ELF2: variants seen among roughly 807,000 people sequenced by gnomAD.
The protein encoded by ELF2 is E74 like ETS transcription factor 2.
A neutral mutation model predicts 54.8 loss-of-function variants in ELF2; 11 were observed. The ratio of observed to expected loss-of-function variants is 0.20; its 90% CI spans 0.13 to 0.33. The LOEUF (loss-of-function observed/expected upper bound fraction) is 0.33. ELF2 is among the 10% of genes least tolerant of loss of function. ELF2 has a pLI of 1.00. For synonymous variants in ELF2, 203 were observed against 245.1 expected (o/e 0.83, Z 1.61); for missense variants, 513 against 703.0 (o/e 0.73, Z 3.06).
chr4:139,120,719 C>A (rs1203587142), intron 4 of ELF2, among the ~76,000 whole-genome samples: 1 of 151,988 alleles, frequency 6.6e-6, no homozygotes, highest in Non-Finnish European at 1.5e-5. Flanking sequence ...AGGTACTGGC[C>A]CCCTAGTATT....
At chr4:139,116,544 G>A (rs1024681131) in intron 4 of ELF2, 21 of 380,562 alleles carry the variant, frequency 5.5e-5, no homozygotes, top group Admixed American at 3.9e-4. Flanking sequence ...TCCTTAAGGA[G>A]GAATCATTGT....
At chr4:139,170,892 T>C (rs1742242387) in intron 1 of ELF2, among the ~76,000 whole-genome samples, 1 of 152,004 alleles carries the variant, frequency 6.6e-6, no homozygotes, top group Non-Finnish European at 1.5e-5. Flanking sequence ...ATTACAGGCA[T>C]GCGCCACCAC....
rs115537243 is a variant in ELF2 at position 139,081,679 on chromosome 4, C to T, written c.239-8112G>A. 8.4e-3 allele frequency among the ~76,000 whole-genome samples: 1,271 copies of T among 152,210 alleles called. 17 individuals carry two copies. Among genetic ancestry groups the T allele is most frequent in the African/African-American group, 0.026 (1,099 of 41,538 alleles). On this transcript the variant is annotated intron_variant, in intron 4 of 9. Transcript: ENST00000686138. ...CAAATACAAACTTTAGAAACATTAT[C>T]CTACCAATGCTATTGAAAATTGGCA...
intron 4 of ELF2, among the ~76,000 whole-genome samples, chr4:139,123,604 A>C (rs1451964025): frequency 6.6e-6 from 1 of 152,256 alleles, no homozygotes; most frequent in Non-Finnish European, 1.5e-5. Context: ...TTAATGTGAT[A>C]AACATCCTAA....
chr4:139,108,202 C>T (rs192413774), intron 4 of ELF2, among the ~76,000 whole-genome samples: 1 of 152,212 alleles, frequency 6.6e-6, no homozygotes, highest in African/African-American at 2.4e-5. Context: ...TTTCTTCATG[C>T]CAGGCACCAT....
In ELF2 at chr4:139,156,253, G is replaced by A. The variant is rs996457834; in HGVS notation, c.-251-16756C>T. The stretch of plus-strand genomic sequence containing the variant: ...TGCAGTGGCGCGATCTCAGCTCACC[G>A]CAAGCTCCGCCTCCCGGGTTCACGC... On this transcript the variant is annotated intron_variant, in intron 1 of 9. Coordinates refer to ENST00000686138, the MANE Select transcript of ELF2 (RefSeq NM_001331036.3). Among the ~76,000 whole-genome samples the A allele has an allele frequency of 8.5e-5, 13 of 152,176 alleles. No individual in the cohort carries two copies. The East Asian group carries it at 1.7e-3, about 20-fold the overall frequency.
intron 4 of ELF2, among the ~76,000 whole-genome samples, chr4:139,115,892 A>G (rs769730022): frequency 3.3e-5 from 5 of 152,078 alleles, no homozygotes; most frequent in Non-Finnish European, 7.4e-5. Context: ...TCCAGGCTGG[A>G]GTGCAGTGGC....
chr4:139,088,882 C>G (rs1171555786), intron 4 of ELF2, among the ~76,000 whole-genome samples: 1 of 152,152 alleles, frequency 6.6e-6, no homozygotes, highest in Non-Finnish European at 1.5e-5. Flanking sequence ...CCTCAGCCTC[C>G]AGAGTAGCTG....
intron 4 of ELF2, chr4:139,084,076 T>C: frequency 1.2e-6 from 2 of 1,610,902 alleles, no homozygotes; most frequent in Admixed American, 3.3e-5. Flanking sequence ...CCCCGCCTTC[T>C]GTGCACCCCC....
In ELF2 at chr4:139,125,278, T is replaced by A. The variant is rs1736803015; in HGVS notation, c.124A>T (p.Ser42Cys). The stretch of plus-strand genomic sequence containing the variant: ...GCATAGCCCTGCTCTAATCTGGCAC[T>A]TGGAACTGGCTCCACAATCACTGCT... ...YPAVIVEPVP[S>C]ARLEQGYAAQ... The change falls in exon 4 of 10, where the codon AGT (serine) becomes TGT (cysteine). Residue 42 changes from serine to cysteine, a missense_variant. Physicochemically the swap from Ser to Cys is moderately radical, Grantham distance 112. Coordinates refer to ENST00000686138, the MANE Select transcript of ELF2 (RefSeq NM_001331036.3). 5 of 1,613,954 alleles carry A rather than the reference T, an allele frequency of 3.1e-6. No homozygotes were observed. The highest frequency in any genetic ancestry group is 3.4e-6 in the Non-Finnish European group (4 of 1,179,962).
intron 4 of ELF2, among the ~76,000 whole-genome samples, chr4:139,090,695 A>G (rs1732474808): frequency 6.6e-6 from 1 of 152,078 alleles, no homozygotes; most frequent in Non-Finnish European, 1.5e-5. Context: ...CCCAGGCTCA[A>G]ACGATTCTCG....
chr4:139,094,878 G>GT (rs1733082016), intron 4 of ELF2, among the ~76,000 whole-genome samples: 1 of 151,754 alleles, frequency 6.6e-6, no homozygotes, highest in African/African-American at 2.4e-5. Flanking sequence ...GTTTTGTTTT[G>GT]TTTTTGTTTT....
At chr4:139,095,367 T>A (rs75447204) in intron 4 of ELF2, among the ~76,000 whole-genome samples, 1,527 of 152,168 alleles carry the variant, frequency 0.01, 63 homozygotes, top group East Asian at 0.089. Flanking sequence ...GTATTTTCAA[T>A]AGAGACAGAG....
chr4:139,117,404 C>T (rs572613289), intron 4 of ELF2, among the ~76,000 whole-genome samples: 1 of 152,080 alleles, frequency 6.6e-6, no homozygotes, highest in Non-Finnish European at 1.5e-5. Context: ...TTCCATTAAG[C>T]ATGTATTGCT....
At chr4:139,073,714 A>C (rs1401393105) in intron 4 of ELF2, 147 bp from the exon 5 acceptor site, 6 of 403,612 alleles carry the variant, frequency 1.5e-5, no homozygotes, top group Non-Finnish European at 2.6e-5. Context: ...AGCCATTGAT[A>C]TCTATTCGTC....
At chr4:139,081,600 T>C (rs1731125039) in intron 4 of ELF2, among the ~76,000 whole-genome samples, 2 of 152,322 alleles carry the variant, frequency 1.3e-5, no homozygotes, top group East Asian at 1.9e-4. Context: ...AAGAATTCTC[T>C]GTCACACCTG....
Position 139,058,694 on chromosome 4 carries a change from T to C in ELF2, c.*289A>G. On this transcript the variant is annotated 3_prime_UTR_variant, in exon 10 of 10. Coordinates refer to ENST00000686138, the MANE Select transcript of ELF2 (RefSeq NM_001331036.3). The stretch of plus-strand genomic sequence containing the variant: ...AGAATGTTAGTGTTCCAAGTCTTAG[T>C]GTAACTTGATATCGTAGTGAGCTGC... The C allele has an allele frequency of 3.2e-6, 1 of 308,400 alleles. No individual in the cohort carries two copies. Among genetic ancestry groups the C allele is most frequent in the Non-Finnish European group, 6.0e-6 (1 of 167,184 alleles). The allele number at this position is 308,400 out of a possible 1,614,324, so 19.1% of individuals were successfully genotyped here. A position where few individuals can be genotyped will look rare whatever the true frequency, so the allele number is the denominator to read the frequency against.
chr4:139,119,224 C>T (rs151180472), intron 4 of ELF2, among the ~76,000 whole-genome samples: 25 of 152,340 alleles, frequency 1.6e-4, no homozygotes, highest in African/African-American at 2.2e-4. Context: ...CTATGAAATA[C>T]GTTTCCCCTC....
chr4:139,174,731 G>T (rs1742734783), intron 1 of ELF2, among the ~76,000 whole-genome samples: 1 of 152,154 alleles, frequency 6.6e-6, no homozygotes, highest in Non-Finnish European at 1.5e-5. Flanking sequence ...ATGTGGAGAT[G>T]ATTTAAAGCA....
Sources: gnomAD v4.1 joint callset for allele counts (sites outside exome capture counted in the v4.1 genomes callset) on GRCh38, gnomAD v4.1.1 for gene constraint, MANE v1.5 for transcripts, NCBI Gene and HGNC (gene_info 2026-07-23, HGNC 2026-07-21) for gene names.